The following RPL31 variants were observed in gnomAD, a reference collection of about 807,000 sequenced individuals.
RPL31 encodes the protein ribosomal protein L31, also known as large ribosomal subunit protein eL31.
For missense variants in RPL31, 95 were observed against 164.0 expected, an observed-to-expected ratio of 0.58 and a Z score of 2.30; for synonymous variants, 51 against 55.0, an observed-to-expected ratio of 0.93 and a Z score of 0.32.
At chr2:101,016,582 C>G (rs1164922656) in intron 4 of RPL31, among the ~76,000 whole-genome samples, 2 of 152,032 alleles carry the variant, frequency 1.3e-5, no homozygotes, top group Non-Finnish European at 2.9e-5. Flanking sequence ...GGGTATACAC[C>G]CAAAGGACTA....
chr2:101,018,072 G>C, intron 4 of RPL31: 3 of 775,602 alleles, frequency 3.9e-6, no homozygotes, highest in Non-Finnish European at 6.1e-6. Context: ...GACAATCTAG[G>C]CTAATGGGAC....
chr2:101,010,929 C>T, downstream of RPL31: 1 of 1,610,226 alleles, frequency 6.2e-7, no homozygotes. Context: ...AAGTCCATAC[C>T]TGGCTCATTT....
intron 3 of RPL31, chr2:101,005,580 G>A (rs1047741645): frequency 9.3e-6 from 2 of 214,340 alleles, no homozygotes; most frequent in Non-Finnish European, 1.9e-5. Context: ...AAAGTGCTGG[G>A]GTTACAGGGG....
At chr2:101,006,319 G>T (rs1255719665) in intron 4 of RPL31, 31 bp from the exon 5 acceptor site, 1 of 1,604,564 alleles carries the variant, frequency 6.2e-7, no homozygotes, top group South Asian at 1.1e-5. Context: ...TGTGATGTGG[G>T]TATGGAAATT....
At chr2:101,019,060 A>G in exon 5 of RPL31, 1 of 1,608,038 alleles carries the variant, frequency 6.2e-7, no homozygotes, top group Non-Finnish European at 8.5e-7. Context: ...CTGGAAGTGG[A>G]TGAGGCCTTG....
At chr2:101,004,078 CAT>C in intron 2 of RPL31, 78 bp from the exon 3 acceptor site, 1 of 1,493,266 alleles carries the variant, frequency 6.7e-7, no homozygotes, top group Non-Finnish European at 9.1e-7. Context: ...AGGAGCCTAT[CAT>C]CGACATTGAG....
downstream of RPL31, chr2:101,011,491 C>A (rs1398611402): frequency 1.9e-6 from 3 of 1,613,752 alleles, no homozygotes; most frequent in Non-Finnish European, 2.5e-6. Context: ...ATGTTGACAA[C>A]AGAGGATTCC....
exon 5 of RPL31, chr2:101,019,713 A>G (rs1251168022): frequency 1.3e-5 from 2 of 152,210 alleles, no homozygotes; most frequent in East Asian, 1.9e-4. Context: ...TAATAAATCA[A>G]TGTAATTAAA....
chr2:101,018,787 G>A (rs1313010502), intron 4 of RPL31, among the ~76,000 whole-genome samples: 1 of 152,248 alleles, frequency 6.6e-6, no homozygotes, highest in African/African-American at 2.4e-5. Flanking sequence ...TTTCTCAGCA[G>A]TTTGTTATGT....
intron 3 of RPL31, 123 bp from the exon 4 acceptor site, chr2:101,005,836 G>C (rs1678709391): frequency 1.3e-6 from 1 of 753,148 alleles, no homozygotes; most frequent in South Asian, 1.6e-5. Context: ...GTAAGTTCTA[G>C]GTTGGTCAGA....
At chr2:101,004,002 A>G (rs1678632094) in intron 2 of RPL31, among the ~76,000 whole-genome samples, 156 bp from the exon 3 acceptor site, 1 of 152,198 alleles carries the variant, frequency 6.6e-6, no homozygotes, top group Admixed American at 6.5e-5. Flanking sequence ...CTTTAAGCAC[A>G]CTGGCCTACT....
chr2:101,014,311 C>G (rs1679453450), intron 4 of RPL31, among the ~76,000 whole-genome samples: 1 of 152,104 alleles, frequency 6.6e-6, no homozygotes, highest in Non-Finnish European at 1.5e-5. Context: ...TCATCTAGCC[C>G]AAGCTGCCCA....
chr2:101,011,109 CA>C, downstream of RPL31: 3 of 1,328,026 alleles, frequency 2.3e-6, no homozygotes, highest in Non-Finnish European at 3.2e-6. Flanking sequence ...GAGAGAGGAG[CA>C]AGGGGGTGAG....
At chr2:101,011,190 A>G (rs900283380), downstream of RPL31, 28 of 726,980 alleles carry the variant, frequency 3.9e-5, no homozygotes, top group Non-Finnish European at 6.0e-5. Flanking sequence ...AGTGGGTGGT[A>G]ACTGGGGGAC....
exon 5 of RPL31, chr2:101,019,208 T>C: frequency 3.9e-6 from 3 of 767,384 alleles, no homozygotes; most frequent in Middle Eastern, 3.9e-4. Context: ...AAGGTACTGA[T>C]GTCTTCTGCC....
At chr2:101,010,120 A>G (rs1157463616), downstream of RPL31, among the ~76,000 whole-genome samples, 1 of 152,094 alleles carries the variant, frequency 6.6e-6, no homozygotes, top group African/African-American at 2.4e-5. Flanking sequence ...GCCAAAAAGG[A>G]GCATTTTTAA....
At chr2:101,016,117 A>G (rs1223139109) in intron 4 of RPL31, among the ~76,000 whole-genome samples, 1 of 152,246 alleles carries the variant, frequency 6.6e-6, no homozygotes, top group Non-Finnish European at 1.5e-5. Context: ...AAAAGAAACT[A>G]CCATCAGAGT....
intron 4 of RPL31, among the ~76,000 whole-genome samples, chr2:101,013,748 T>C (rs1290767480): frequency 6.6e-6 from 1 of 152,252 alleles, no homozygotes; most frequent in Admixed American, 6.5e-5. Flanking sequence ...ACAAGCCAGT[T>C]CCACCATAAG....
intron 4 of RPL31, chr2:101,017,726 T>A (rs929425638): frequency 1.3e-4 from 119 of 947,508 alleles, no homozygotes; most frequent in Non-Finnish European, 1.6e-4. Flanking sequence ...TACATCACTT[T>A]ATCACAGGCA....
Sources: allele counts gnomAD v4.1 joint callset (sites outside exome capture counted in the v4.1 genomes callset), GRCh38; gene constraint gnomAD v4.1.1; transcripts MANE v1.5; gene names NCBI Gene and HGNC (gene_info 2026-07-23, HGNC 2026-07-21).